MARK1: variants seen among roughly 807,000 people sequenced by gnomAD.
The protein encoded by MARK1 is microtubule affinity regulating kinase 1.
A neutral mutation model predicts 96.3 loss-of-function variants in MARK1; 40 were observed. The observed-to-expected ratio is 0.42, with a 90% confidence interval of 0.32 to 0.54. MARK1 has a LOEUF of 0.54. Ranked by LOEUF, MARK1 falls within the 20% of genes least tolerant of loss-of-function variation. The probability of loss-of-function intolerance (pLI) is 0.16; values close to 1 mark genes in which losing one functional copy is unlikely to be tolerated. For synonymous variants in MARK1, 317 were observed against 341.2 expected (o/e 0.93, Z 0.78); for missense variants, 719 against 984.6 (o/e 0.73, Z 3.61).
intron 5 of MARK1, among the ~76,000 whole-genome samples, 162 bp downstream of exon 5, chr1:220,600,025 A>G (rs1038651476): frequency 1.3e-5 from 2 of 152,174 alleles, no homozygotes; most frequent in African/African-American, 4.8e-5. Flanking sequence ...GTTTACTTTT[A>G]AGACCTTTCG....
chr1:220,635,006 AG>A (rs1421129759), intron 11 of MARK1, among the ~76,000 whole-genome samples: 1 of 152,194 alleles, frequency 6.6e-6, no homozygotes, highest in East Asian at 1.9e-4. Flanking sequence ...TATAAAGTGT[AG>A]GTTAATACAT....
intron 1 of MARK1, among the ~76,000 whole-genome samples, chr1:220,570,035 A>G (rs1663331972): frequency 6.6e-6 from 1 of 152,154 alleles, no homozygotes; most frequent in Non-Finnish European, 1.5e-5. Context: ...AATTTTACAA[A>G]CTAGAAAAAT....
intron 9 of MARK1, among the ~76,000 whole-genome samples, chr1:220,624,349 C>T (rs144349698): frequency 0.013 from 1,780 of 139,292 alleles, 20 homozygotes; most frequent in Middle Eastern, 0.054. Flanking sequence ...GCTGTAATCC[C>T]AGCACTTTGG....
At chr1:220,622,678 C>T (rs936484497) in intron 9 of MARK1, among the ~76,000 whole-genome samples, 1 of 152,128 alleles carries the variant, frequency 6.6e-6, no homozygotes, top group Non-Finnish European at 1.5e-5. Flanking sequence ...GGGCAGATCA[C>T]CTAAGTCCAG....
At chr1:220,603,018 T>C (rs530689854) in intron 5 of MARK1, among the ~76,000 whole-genome samples, 14 of 152,176 alleles carry the variant, frequency 9.2e-5, no homozygotes, top group African/African-American at 3.4e-4. Context: ...ATCTTCCTAA[T>C]AATGTCTTTC....
chr1:220,608,236 G>A (rs1357640910), intron 6 of MARK1, among the ~76,000 whole-genome samples: 1 of 152,160 alleles, frequency 6.6e-6, no homozygotes. Context: ...TTCAGAGCCT[G>A]TTATTGGTCT....
intron 1 of MARK1, among the ~76,000 whole-genome samples, chr1:220,555,892 G>A (rs1662210890): frequency 6.6e-6 from 1 of 152,204 alleles, no homozygotes; most frequent in Non-Finnish European, 1.5e-5. Context: ...CAAAAACATA[G>A]TGGACTGAAT....
intron 1 of MARK1, among the ~76,000 whole-genome samples, chr1:220,567,248 T>C (rs1663123470): frequency 6.6e-6 from 1 of 152,312 alleles, no homozygotes; most frequent in Admixed American, 6.5e-5. Flanking sequence ...CTATTTAGGT[T>C]GTTTCCGACC....
At chr1:220,552,483 C>T (rs1661931438) in intron 1 of MARK1, among the ~76,000 whole-genome samples, 1 of 152,120 alleles carries the variant, frequency 6.6e-6, no homozygotes. Flanking sequence ...AAACAATCTT[C>T]AAAAGATTGT....
chr1:220,643,983 G>A (rs559927984), intron 13 of MARK1, among the ~76,000 whole-genome samples: 34 of 152,254 alleles, frequency 2.2e-4, no homozygotes, highest in Non-Finnish European at 3.8e-4. Flanking sequence ...TACACAGACC[G>A]ATGACACTAT....
At chr1:220,547,991 C>T (rs1661615408) in intron 1 of MARK1, among the ~76,000 whole-genome samples, 1 of 152,246 alleles carries the variant, frequency 6.6e-6, no homozygotes, top group African/African-American at 2.4e-5. Flanking sequence ...AATTGCTTAC[C>T]TTGCTGGATT....
chr1:220,528,538 C>A lies in MARK1; in HGVS notation c.-285C>A. ...CCCTTCCACGCCTCATCCTGCCAGC[C>A]TCGCCGCCCCGCCAGCGCCGGGCAA... On this transcript the variant is annotated 5_prime_UTR_variant, in exon 1 of 18. Transcript: ENST00000366917. The A allele has an allele frequency of 2.2e-6, 1 of 446,646 alleles. No homozygotes were observed. The highest frequency in any genetic ancestry group is 3.9e-6 in the Non-Finnish European group (1 of 253,414). 27.7% of individuals were successfully genotyped at this position (446,646 alleles called of 1,614,324 possible). A position where few individuals can be genotyped will look rare whatever the true frequency, so the allele number is the denominator to read the frequency against.
At chr1:220,653,000 G>A (rs940043346) in intron 15 of MARK1, 101 bp from the exon 16 acceptor site, 1 of 1,347,786 alleles carries the variant, frequency 7.4e-7, no homozygotes, top group Admixed American at 2.0e-5. Flanking sequence ...ATAAAGTAGG[G>A]CCAAAAGAAG....
At chr1:220,613,338 C>G (rs1477856265) in intron 6 of MARK1, among the ~76,000 whole-genome samples, 1 of 152,120 alleles carries the variant, frequency 6.6e-6, no homozygotes, top group South Asian at 2.1e-4. Context: ...TTGGGGAGAA[C>G]ACATGCTTAA....
At chr1:220,650,016 G>C (rs1668787237) in intron 13 of MARK1, among the ~76,000 whole-genome samples, 1 of 152,232 alleles carries the variant, frequency 6.6e-6, no homozygotes, top group African/African-American at 2.4e-5. Flanking sequence ...TCTCTCCAAG[G>C]CTCCTCAGAC....
intron 3 of MARK1, among the ~76,000 whole-genome samples, chr1:220,585,652 C>T (rs1332961431): frequency 1.3e-5 from 2 of 152,156 alleles, no homozygotes; most frequent in Non-Finnish European, 1.5e-5. Flanking sequence ...TAATATCCCT[C>T]AAATTAAAAC....
At chr1:220,624,758 C>T (rs1227186290) in intron 9 of MARK1, among the ~76,000 whole-genome samples, 2 of 152,124 alleles carry the variant, frequency 1.3e-5, no homozygotes, top group Non-Finnish European at 2.9e-5. Context: ...TGAGAAACAT[C>T]AGAAAGTTAT....
At chr1:220,661,122 G>A (rs1189004068) in intron 17 of MARK1, among the ~76,000 whole-genome samples, 3 of 152,160 alleles carry the variant, frequency 2.0e-5, no homozygotes, top group Non-Finnish European at 2.9e-5. Context: ...AACATAACCC[G>A]TGTGTTCAAG....
At chr1:220,640,840 G>T (rs933746492) in intron 13 of MARK1, among the ~76,000 whole-genome samples, 13 of 152,164 alleles carry the variant, frequency 8.5e-5, no homozygotes, top group African/African-American at 2.9e-4. Flanking sequence ...TCCTTTGTGA[G>T]ACTAGAGCCT....
Sources: gnomAD v4.1 joint callset for allele counts (sites outside exome capture counted in the v4.1 genomes callset) on GRCh38, gnomAD v4.1.1 for gene constraint, MANE v1.5 for transcripts, NCBI Gene and HGNC (gene_info 2026-07-23, HGNC 2026-07-21) for gene names.